The following KCNIP4 variants were observed in gnomAD, a reference collection of about 807,000 sequenced individuals.
KCNIP4 encodes Kv channel-interacting protein 4.
KCNIP4 carries 12 observed loss-of-function variants against 34.0 expected under a neutral mutation model. The observed-to-expected ratio is 0.35, with a 90% CI of 0.23 to 0.57. KCNIP4 has a LOEUF of 0.57. Among genes scored for constraint, KCNIP4 ranks in the 20% least tolerant of loss-of-function variants. KCNIP4 has a pLI of 0.83. For missense variants in KCNIP4, 238 were observed against 311.7 expected (o/e 0.76, Z 1.78); for synonymous variants, 124 against 102.2 (o/e 1.21, Z -1.29).
chr4:21,943,736 C>A (rs1730331653), intron 1 of KCNIP4, among the ~76,000 whole-genome samples: 1 of 152,008 alleles, frequency 6.6e-6, no homozygotes, highest in Non-Finnish European at 1.5e-5. Context: ...GAATCTATGA[C>A]TCAAGTTAGG....
intron 1 of KCNIP4, among the ~76,000 whole-genome samples, chr4:21,413,011 C>T (rs961965343): frequency 1.3e-5 from 2 of 152,128 alleles, no homozygotes; most frequent in Admixed American, 6.6e-5. Context: ...TATCTCCTTG[C>T]CCCAGGGTTA....
At chr4:21,922,226 C>T (rs1011067388) in intron 1 of KCNIP4, among the ~76,000 whole-genome samples, 1 of 152,182 alleles carries the variant, frequency 6.6e-6, no homozygotes, top group Admixed American at 6.5e-5. Context: ...TAAACCTCAA[C>T]AAGCCACCCT....
At chr4:21,598,543 G>T (rs1009262530) in intron 1 of KCNIP4, among the ~76,000 whole-genome samples, 1 of 152,004 alleles carries the variant, frequency 6.6e-6, no homozygotes. Flanking sequence ...TTGGCCTGGG[G>T]TTTATCAACT....
At position 21,112,506 on chromosome 4, in the gene KCNIP4, G is replaced by A. The variant is rs1396849662; in HGVS notation, c.62-229797C>T. On this transcript the variant is annotated intron_variant, in intron 1 of 8. Transcript: ENST00000382152. ...TTTGGAGATAGTAACATGCAAAGATGGGCTGCCAGCCACAATAAGATGAAA... is the reference window on the plus strand; with the variant it reads ...TTTGGAGATAGTAACATGCAAAGATAGGCTGCCAGCCACAATAAGATGAAA... Among the ~76,000 whole-genome samples, 10 of 152,260 alleles carry A rather than the reference G, an allele frequency of 6.6e-5. No individual in the cohort carries two copies. The South Asian group carries it at 1.7e-3, about 25-fold the overall frequency.
In KCNIP4 at chr4:20,991,734, T is replaced by G. The variant is rs1577498287; in HGVS notation, c.62-109025A>C. On this transcript the variant is annotated intron_variant, in intron 1 of 8. Coordinates refer to ENST00000382152, the MANE Select transcript of KCNIP4 (RefSeq NM_025221.6). ...TTCTCAGCCACAGCTTCAGATGACCTTGGAAATGGAACAAGTGGTTTTAAA... is the reference window on the plus strand; with the variant it reads ...TTCTCAGCCACAGCTTCAGATGACCGTGGAAATGGAACAAGTGGTTTTAAA... Among the ~76,000 whole-genome samples the G allele has an allele frequency of 2.0e-5, 3 of 152,290 alleles. No individual in the cohort carries two copies. In the South Asian group the frequency reaches 6.2e-4, roughly 32 times the overall value.
At chr4:21,261,153 T>C (rs540158039) in intron 1 of KCNIP4, among the ~76,000 whole-genome samples, 2 of 152,302 alleles carry the variant, frequency 1.3e-5, no homozygotes, top group South Asian at 4.1e-4. Context: ...GAAGGCTTGA[T>C]TATAAAATCA....
chr4:21,066,526 C>G (rs1333735860), intron 1 of KCNIP4, among the ~76,000 whole-genome samples: 1 of 152,116 alleles, frequency 6.6e-6, no homozygotes, highest in Non-Finnish European at 1.5e-5. Context: ...CCCCCGCATC[C>G]CCCTCATCCC....
chr4:21,770,887 G>A (rs553644116), intron 1 of KCNIP4, among the ~76,000 whole-genome samples: 15 of 152,076 alleles, frequency 9.9e-5, no homozygotes, highest in Non-Finnish European at 2.2e-4. Context: ...CTCCCATTCT[G>A]TAGGCTGCCT....
intron 1 of KCNIP4, among the ~76,000 whole-genome samples, chr4:21,235,336 G>GCT (rs1372504187): frequency 6.6e-6 from 1 of 151,846 alleles, no homozygotes; most frequent in Non-Finnish European, 1.5e-5. Flanking sequence ...CTGGCTCCTG[G>GCT]CTCTCTCTCT....
intron 3 of KCNIP4, among the ~76,000 whole-genome samples, chr4:20,822,702 G>A (rs1038061204): frequency 1.3e-5 from 2 of 152,162 alleles, no homozygotes; most frequent in African/African-American, 4.8e-5. Flanking sequence ...CATTTCGCAT[G>A]TGAGAAAAAC....
chr4:20,742,888 G>A (rs1030714979), intron 5 of KCNIP4, among the ~76,000 whole-genome samples: 2 of 152,062 alleles, frequency 1.3e-5, no homozygotes, highest in Non-Finnish European at 2.9e-5. Context: ...AAAAATCAAT[G>A]TGCAAAAATC....
chr4:20,944,599 G>A (rs1731996522), intron 1 of KCNIP4, among the ~76,000 whole-genome samples: 1 of 152,194 alleles, frequency 6.6e-6, no homozygotes, highest in Non-Finnish European at 1.5e-5. Context: ...CTGTGATGAG[G>A]CTCTGCACTC....
intron 1 of KCNIP4, among the ~76,000 whole-genome samples, chr4:21,101,502 G>C (rs1004212411): frequency 4.6e-5 from 7 of 152,092 alleles, no homozygotes; most frequent in African/African-American, 1.7e-4. Flanking sequence ...ATAAACATAA[G>C]AGTGCAAGTA....
At chr4:20,749,589 C>T (rs1347252549) in intron 5 of KCNIP4, 73 bp downstream of exon 5, 3 of 1,077,274 alleles carry the variant, frequency 2.8e-6, no homozygotes, top group Non-Finnish European at 4.1e-6. Flanking sequence ...TAATCATCAC[C>T]AAACTCACAT....
At chr4:21,221,381 T>G (rs1030402880) in intron 1 of KCNIP4, among the ~76,000 whole-genome samples, 4 of 152,192 alleles carry the variant, frequency 2.6e-5, no homozygotes, top group African/African-American at 9.6e-5. Flanking sequence ...AGAGGTTTAA[T>G]CGATTCACAG....
chr4:21,028,790 C>T (rs924652255), intron 1 of KCNIP4, among the ~76,000 whole-genome samples: 3 of 152,112 alleles, frequency 2.0e-5, no homozygotes, highest in African/African-American at 7.2e-5. Context: ...GAATGATGGG[C>T]TGTAATTTTT....
chr4:21,564,157 G>A lies in KCNIP4; in HGVS notation c.61+384414C>T, dbSNP rs558138155. On this transcript the variant is annotated intron_variant, in intron 1 of 8. Coordinates refer to ENST00000382152, the MANE Select transcript of KCNIP4 (RefSeq NM_025221.6). ...CTACATCCTGCTCTATTATTCTCTT[G>A]TAAAATAGATTGTGGTTCTTTTTAT... Among the ~76,000 whole-genome samples, 275 of 152,172 alleles carry A rather than the reference G, an allele frequency of 1.8e-3. 3 individuals carry two copies. Among genetic ancestry groups the A allele is most frequent in the African/African-American group, 6.3e-3 (260 of 41,526 alleles).
intron 1 of KCNIP4, among the ~76,000 whole-genome samples, chr4:20,953,052 T>C (rs1483467963): frequency 6.6e-6 from 1 of 152,256 alleles, no homozygotes; most frequent in Non-Finnish European, 1.5e-5. Context: ...CTTAATACCA[T>C]CATTTTGAGA....
At chr4:21,771,469 A>G (rs1466085877) in intron 1 of KCNIP4, among the ~76,000 whole-genome samples, 1 of 152,042 alleles carries the variant, frequency 6.6e-6, no homozygotes, top group East Asian at 1.9e-4. Flanking sequence ...TTTTTTCCTA[A>G]TTCTGTGAAG....
Sources: allele counts gnomAD v4.1 joint callset (sites outside exome capture counted in the v4.1 genomes callset), GRCh38; gene constraint gnomAD v4.1.1; transcripts MANE v1.5; gene names NCBI Gene and HGNC (gene_info 2026-07-23, HGNC 2026-07-21).